ACAT1: variants seen among roughly 807,000 people sequenced by gnomAD.
ACAT1 encodes the protein acetyl-CoA acetyltransferase, mitochondrial.
A neutral mutation model predicts 47.3 loss-of-function variants in ACAT1; 28 were observed. The observed-to-expected ratio is 0.59, with a 90% confidence interval of 0.44 to 0.81. The LOEUF (loss-of-function observed/expected upper bound fraction) is 0.81, where lower values mean the gene tolerates loss of function less well. Among genes scored for constraint, ACAT1 ranks in the 30% least tolerant of loss-of-function variants. The pLI, the probability that ACAT1 is intolerant of heterozygous loss-of-function variation, is 0.00. For synonymous variants in ACAT1, 181 were observed against 173.6 expected, an observed-to-expected ratio of 1.04 and a Z score of -0.34; for missense variants, 469 against 524.3, an observed-to-expected ratio of 0.89 and a Z score of 1.03.
At chr11:108,118,053 G>C (rs554946664), upstream of ACAT1, among the ~76,000 whole-genome samples, 4 of 152,132 alleles carry the variant, frequency 2.6e-5, no homozygotes, top group Non-Finnish European at 4.4e-5. Context: ...CATCTGTCCA[G>C]ACACTATTGC....
intron 1 of ACAT1, chr11:108,129,030 A>G (rs1299333588): frequency 6.6e-6 from 1 of 151,738 alleles, no homozygotes; most frequent in Non-Finnish European, 1.5e-5. Context: ...TTTATTCCTC[A>G]CCCCCACCCC....
chr11:108,135,984 G>T (rs2077460699), intron 5 of ACAT1: 1 of 504,316 alleles, frequency 2.0e-6, no homozygotes, highest in East Asian at 3.3e-5. Flanking sequence ...TTGAGCCCAG[G>T]CTTGATGACT....
At chr11:108,130,052 G>C (rs955183285) in intron 1 of ACAT1, among the ~76,000 whole-genome samples, 8 of 152,130 alleles carry the variant, frequency 5.3e-5, no homozygotes, top group African/African-American at 1.9e-4. Context: ...TATTTCTCCT[G>C]TCTCTGAGTA....
chr11:108,117,399 C>CT (rs1864974220), upstream of ACAT1, among the ~76,000 whole-genome samples: 1 of 151,814 alleles, frequency 6.6e-6, no homozygotes, highest in Admixed American at 6.6e-5. Context: ...CCTCCACCTC[C>CT]TGGGTTCAAG....
intron 9 of ACAT1, chr11:108,143,375 T>C (rs1015616002): frequency 6.6e-6 from 1 of 152,166 alleles, no homozygotes; most frequent in Non-Finnish European, 1.5e-5. Context: ...GAGGCAGCTA[T>C]GTAGGAAAAA....
chr11:108,122,007 G>A (rs944724345), intron 1 of ACAT1: 3 of 466,850 alleles, frequency 6.4e-6, no homozygotes, highest in African/African-American at 6.0e-5. Flanking sequence ...TGGGATCGGG[G>A]AGAGTCTCTT....
chr11:108,134,426 C>CCT, intron 4 of ACAT1, 110 bp downstream of exon 4: 3 of 784,316 alleles, frequency 3.8e-6, no homozygotes. Flanking sequence ...AGGCGGATCA[C>CCT]GAGGTCAAGA....
intron 5 of ACAT1, chr11:108,137,069 CAT>C (rs1419044291): frequency 6.6e-6 from 1 of 152,136 alleles, no homozygotes; most frequent in African/African-American, 2.4e-5. Flanking sequence ...CTCAAAGGAG[CAT>C]AGTCTAGTGG....
At chr11:108,123,770 C>A (rs906079807) in intron 1 of ACAT1, among the ~76,000 whole-genome samples, 4 of 152,110 alleles carry the variant, frequency 2.6e-5, no homozygotes, top group Admixed American at 2.6e-4. Flanking sequence ...GAACTCCTGG[C>A]CTGCCAAAGT....
chr11:108,135,292 T>C (rs375201073), intron 5 of ACAT1, 50 bp downstream of exon 5: 2 of 1,349,178 alleles, frequency 1.5e-6, no homozygotes, highest in African/African-American at 2.9e-5. Context: ...TACCTAGGGC[T>C]AAAAGACACA....
intron 1 of ACAT1, among the ~76,000 whole-genome samples, chr11:108,122,095 CTTTTT>C (rs1565281519): frequency 6.6e-6 from 1 of 152,160 alleles, no homozygotes; most frequent in East Asian, 1.9e-4. Context: ...GGTTCCTTTT[CTTTTT>C]TAATACAATA....
upstream of ACAT1, among the ~76,000 whole-genome samples, chr11:108,119,538 A>G (rs892840471): frequency 5.9e-5 from 9 of 152,174 alleles, no homozygotes; most frequent in Non-Finnish European, 8.8e-5. Flanking sequence ...TACCCTAGTC[A>G]TCAGCTTTGG....
At chr11:108,130,301 G>T (rs1464868509) in intron 1 of ACAT1, among the ~76,000 whole-genome samples, 1 of 152,084 alleles carries the variant, frequency 6.6e-6, no homozygotes, top group Non-Finnish European at 1.5e-5. Context: ...ACTTAGGGTT[G>T]TCCTTTGAGA....
chr11:108,135,326 T>C, intron 5 of ACAT1, 84 bp downstream of exon 5: 1 of 957,924 alleles, frequency 1.0e-6, no homozygotes, highest in Non-Finnish European at 1.7e-6. Context: ...ATTCATATTT[T>C]AGAAATGAGA....
chr11:108,139,289 T>A (rs1360288431), intron 6 of ACAT1: 11 of 480,680 alleles, frequency 2.3e-5, no homozygotes, highest in Non-Finnish European at 3.4e-5. Context: ...AATTCAAGTA[T>A]GTGAAGATAA....
chr11:108,146,184 T>C lies in ACAT1; in HGVS notation c.1006-18T>C. Reference sequence around the variant, plus strand: ...TTGCTAATTATTTGAACATCATCTGTCTTTTAAAAAATTTAAGGTTCTTAA... The same window carrying C: ...TTGCTAATTATTTGAACATCATCTGCCTTTTAAAAAATTTAAGGTTCTTAA... On this transcript the variant is annotated intron_variant, in intron 10 of 11. Coordinates refer to ENST00000265838, the MANE Select transcript of ACAT1 (RefSeq NM_000019.4). 6.3e-7 allele frequency: 1 copy of C among 1,583,358 alleles called. No homozygotes were observed. Among genetic ancestry groups the C allele is most frequent in the Non-Finnish European group, 8.7e-7 (1 of 1,153,172 alleles).
intron 2 of ACAT1, among the ~76,000 whole-genome samples, chr11:108,133,474 G>C (rs569515512): frequency 1.9e-4 from 29 of 152,224 alleles, no homozygotes; most frequent in African/African-American, 6.0e-4. Flanking sequence ...AGCTGAGCAA[G>C]ACCCTGTCTC....
chr11:108,147,278 G>C lies in ACAT1; in HGVS notation c.1172G>C (p.Gly391Ala), dbSNP rs371070695. The C allele has an allele frequency of 1.2e-6, 2 of 1,613,854 alleles. No individual in the cohort carries two copies. The highest frequency in any genetic ancestry group is 1.1e-5 in the South Asian group (1 of 91,074). ...TGCTTTCTTAATTTTAGGATGTCTGGAGCCAGGATTGTTGGTCATTTGACT... is the reference window on the plus strand; with the variant it reads ...TGCTTTCTTAATTTTAGGATGTCTGCAGCCAGGATTGTTGGTCATTTGACT... ...VSLGHPIGMSGARIVGHLTHA... is the reference protein window; with the variant it reads ...VSLGHPIGMSAARIVGHLTHA... Residue 391 changes from glycine to alanine, a missense_variant, in exon 12 of 12, where the codon GGA (glycine) becomes GCA (alanine). Transcript: ENST00000265838.
At chr11:108,142,673 C>G (rs1023373083) in intron 9 of ACAT1, 123 bp downstream of exon 9, 22 of 770,680 alleles carry the variant, frequency 2.9e-5, no homozygotes, top group Non-Finnish European at 4.9e-5. Flanking sequence ...TTCGTCTCTA[C>G]AAAAAGTTAA....
Sources: gnomAD v4.1 joint callset for allele counts (sites outside exome capture counted in the v4.1 genomes callset) on GRCh38, gnomAD v4.1.1 for gene constraint, MANE v1.5 for transcripts, NCBI Gene and HGNC (gene_info 2026-07-23, HGNC 2026-07-21) for gene names.